NXPH1: variants seen among roughly 807,000 people sequenced by gnomAD.
The protein encoded by NXPH1 is neurexophilin-1.
NXPH1 carries 5 observed loss-of-function variants against 23.7 expected under a neutral mutation model. That is an observed-to-expected ratio of 0.21 (90% confidence interval 0.11 to 0.44). NXPH1 has a LOEUF of 0.44. Among genes scored for constraint, NXPH1 ranks in the 20% least tolerant of loss-of-function variants. The probability of loss-of-function intolerance (pLI) is 0.99; values close to 1 mark genes in which losing one functional copy is unlikely to be tolerated. For synonymous variants in NXPH1, 144 were observed against 122.2 expected, an observed-to-expected ratio of 1.18 and a Z score of -1.18; for missense variants, 324 against 321.6, an observed-to-expected ratio of 1.01 and a Z score of -0.06.
intron 2 of NXPH1, among the ~76,000 whole-genome samples, chr7:8,439,946 C>T (rs143823759): frequency 8.5e-5 from 13 of 152,300 alleles, no homozygotes; most frequent in African/African-American, 2.9e-4. Context: ...TCAATTTGAG[C>T]TTATTACTGA....
At chr7:8,571,522 A>T (rs1818647543) in intron 2 of NXPH1, among the ~76,000 whole-genome samples, 1 of 151,796 alleles carries the variant, frequency 6.6e-6, no homozygotes, top group Non-Finnish European at 1.5e-5. Context: ...AGGAAAAAGG[A>T]GTCACTTTAT....
At chr7:8,674,506 G>A (rs1820918596) in intron 2 of NXPH1, among the ~76,000 whole-genome samples, 2 of 152,106 alleles carry the variant, frequency 1.3e-5, no homozygotes, top group Non-Finnish European at 2.9e-5. Flanking sequence ...AAGAAATATG[G>A]GTGCATTCGT....
chr7:8,436,118 T>C (rs1816189123), intron 2 of NXPH1, among the ~76,000 whole-genome samples: 1 of 152,158 alleles, frequency 6.6e-6, no homozygotes, highest in Non-Finnish European at 1.5e-5. Flanking sequence ...GCACAGAGTT[T>C]AAACGAAGGG....
intron 2 of NXPH1, among the ~76,000 whole-genome samples, chr7:8,525,930 A>G (rs1817854480): frequency 6.6e-6 from 1 of 152,212 alleles, no homozygotes; most frequent in Admixed American, 6.5e-5. Context: ...CCCCACACAG[A>G]GTCCCTACTG....
chr7:8,490,155 C>G (rs1334802838), intron 2 of NXPH1, among the ~76,000 whole-genome samples: 2 of 151,964 alleles, frequency 1.3e-5, no homozygotes, highest in Non-Finnish European at 2.9e-5. Context: ...GTTTTCCAAA[C>G]CAAATATTTA....
Position 8,434,738 on chromosome 7 carries a change from C to G in NXPH1, c.-128C>G, listed in dbSNP as rs1816158271. ...CAGAGCGGTCCCTTCTCGCAGGATT[C>G]GCCCCAAGTCCTGTGCGGTACGTAC... On this transcript the variant is annotated 5_prime_UTR_variant, in exon 1 of 3. Coordinates refer to ENST00000405863, the MANE Select transcript of NXPH1 (RefSeq NM_152745.3). The surrounding 1 kb of genome is among the most constrained non-coding windows in gnomAD (Gnocchi z 7.6). 1 of 152,830 alleles carries G rather than the reference C, an allele frequency of 6.5e-6. No homozygotes were observed. Among genetic ancestry groups the G allele is most frequent in the East Asian group, 1.9e-4 (1 of 5,160 alleles). The allele number at this position is 152,830 out of a possible 1,614,324, so 9.5% of individuals were successfully genotyped here.
intron 2 of NXPH1, among the ~76,000 whole-genome samples, chr7:8,614,162 T>G (rs1245146680): frequency 6.6e-6 from 1 of 151,952 alleles, no homozygotes; most frequent in East Asian, 1.9e-4. Context: ...CATAATTTAT[T>G]GACTCGTCTC....
intron 2 of NXPH1, among the ~76,000 whole-genome samples, chr7:8,533,105 T>C (rs1231741183): frequency 1.3e-5 from 2 of 152,158 alleles, no homozygotes; most frequent in Non-Finnish European, 2.9e-5. Flanking sequence ...AGAAATTAAG[T>C]GACCTGTTTT....
At chr7:8,530,093 A>G (rs1035574523) in intron 2 of NXPH1, among the ~76,000 whole-genome samples, 1 of 152,188 alleles carries the variant, frequency 6.6e-6, no homozygotes, top group Non-Finnish European at 1.5e-5. Flanking sequence ...AACTAATGGT[A>G]GAGGCCCAGG....
chr7:8,443,637 G>A (rs1816345208), intron 2 of NXPH1, among the ~76,000 whole-genome samples: 1 of 152,200 alleles, frequency 6.6e-6, no homozygotes, highest in Admixed American at 6.5e-5. Flanking sequence ...TTATTCACGG[G>A]GAGCAGGACA....
chr7:8,558,393 G>C (rs887955109), intron 2 of NXPH1, among the ~76,000 whole-genome samples: 1 of 151,634 alleles, frequency 6.6e-6, no homozygotes, highest in African/African-American at 2.4e-5. Context: ...TGAAGAGTTA[G>C]AGCAGCTGGA....
At chr7:8,468,140 A>G (rs918392545) in intron 2 of NXPH1, among the ~76,000 whole-genome samples, 7 of 152,156 alleles carry the variant, frequency 4.6e-5, no homozygotes, top group African/African-American at 9.6e-5. Context: ...AAAGCAGGCT[A>G]TAGAATAAAT....
chr7:8,650,654 C>T (rs1057005589), intron 2 of NXPH1, among the ~76,000 whole-genome samples: 5 of 152,170 alleles, frequency 3.3e-5, no homozygotes, highest in Admixed American at 3.3e-4. Flanking sequence ...AATCATGTGG[C>T]CTCTTGCTCA....
intron 2 of NXPH1, among the ~76,000 whole-genome samples, chr7:8,720,807 A>G (rs1353665627): frequency 6.6e-6 from 1 of 152,228 alleles, no homozygotes; most frequent in Non-Finnish European, 1.5e-5. Context: ...CGTTTCTCTA[A>G]TATCAATTTG....
At chr7:8,505,038 C>G (rs1187932903) in intron 2 of NXPH1, among the ~76,000 whole-genome samples, 1 of 152,088 alleles carries the variant, frequency 6.6e-6, no homozygotes, top group Non-Finnish European at 1.5e-5. Context: ...GAGTAAGGGA[C>G]ATTCACTACC....
intron 2 of NXPH1, among the ~76,000 whole-genome samples, chr7:8,738,813 T>C (rs1780308597): frequency 6.6e-6 from 1 of 152,156 alleles, no homozygotes; most frequent in African/African-American, 2.4e-5. Flanking sequence ...CTTTCAGAGA[T>C]GCCCTGACCA....
At chr7:8,604,637 A>G (rs1189265938) in intron 2 of NXPH1, among the ~76,000 whole-genome samples, 1 of 152,146 alleles carries the variant, frequency 6.6e-6, no homozygotes, top group East Asian at 1.9e-4. Context: ...TTTAGAATCT[A>G]TAATATTTTA....
At position 8,677,275 on chromosome 7, in the gene NXPH1, T is replaced by G. The variant is rs190756421; in HGVS notation, c.55-73733T>G. Among the ~76,000 whole-genome samples, 3 of 152,320 alleles carry G rather than the reference T, an allele frequency of 2.0e-5. No individual in the cohort carries two copies. In the East Asian group the frequency reaches 5.8e-4, roughly 29 times the overall value. On this transcript the variant is annotated intron_variant, in intron 2 of 2. Coordinates refer to ENST00000405863, the MANE Select transcript of NXPH1 (RefSeq NM_152745.3). ...AACTAAATTAAAAAATTTCTAAGGT[T>G]ATAACATTTATACTAAGATCTGTGA...
intron 2 of NXPH1, among the ~76,000 whole-genome samples, chr7:8,745,476 G>A (rs1399254690): frequency 6.6e-6 from 1 of 151,940 alleles, no homozygotes; most frequent in Admixed American, 6.6e-5. Context: ...GTTTGTCTAT[G>A]AATGTAAAAT....
Sources: gnomAD v4.1 joint callset for allele counts (sites outside exome capture counted in the v4.1 genomes callset) on GRCh38, gnomAD v4.1.1 for gene constraint, Gnocchi (gnomAD v3.1) non-coding constraint, MANE v1.5 for transcripts, NCBI Gene and HGNC (gene_info 2026-07-23, HGNC 2026-07-21) for gene names.